Variants in NUP98 observed in about 807,000 individuals in gnomAD.
NUP98 encodes the protein nuclear pore complex protein Nup98-Nup96.
Under a neutral mutation model 191.9 loss-of-function variants are expected in NUP98, and 26 were observed. That is an observed-to-expected ratio of 0.14 (90% CI 0.10 to 0.19). The LOEUF is 0.19. Among genes scored for constraint, NUP98 ranks in the 10% least tolerant of loss-of-function variants. The pLI is 1.00. For synonymous variants in NUP98, 808 were observed against 778.4 expected, an observed-to-expected ratio of 1.04 and a Z score of -0.63; for missense variants, 1,941 against 2,178.8, an observed-to-expected ratio of 0.89 and a Z score of 2.17.
At chr11:3,791,010 G>A (rs117764384) in intron 1 of NUP98, among the ~76,000 whole-genome samples, 24 of 151,502 alleles carry the variant, frequency 1.6e-4, no homozygotes, top group African/African-American at 4.4e-4. Context: ...ATTCTCCTGC[G>A]TCAGCCTTCC....
At chr11:3,774,958 A>G (rs1159280819) in intron 5 of NUP98, among the ~76,000 whole-genome samples, 1 of 152,186 alleles carries the variant, frequency 6.6e-6, no homozygotes, top group Non-Finnish European at 1.5e-5. Context: ...ATATTTTAAC[A>G]AGTTTTATTT....
At position 3,699,365 on chromosome 11, in the gene NUP98, A is replaced by C. The variant is rs1196817600; in HGVS notation, c.3743-17T>G. Reference sequence around the variant, plus strand: ...GCTTCACAACTAAGGCAGGAAGAGAAAAACAATGTTACGAGACAAAGTCTT... The same window carrying C: ...GCTTCACAACTAAGGCAGGAAGAGACAAACAATGTTACGAGACAAAGTCTT... On this transcript the variant is annotated splice_polypyrimidine_tract_variant and intron_variant, in intron 24 of 32. Transcript: ENST00000324932. The C allele has an allele frequency of 6.2e-7, 1 of 1,610,060 alleles. No individual in the cohort carries two copies. Among genetic ancestry groups the C allele is most frequent in the Non-Finnish European group, 8.5e-7 (1 of 1,176,532 alleles).
At chr11:3,679,193 T>C (rs1289359974) in intron 31 of NUP98, among the ~76,000 whole-genome samples, 1 of 149,878 alleles carries the variant, frequency 6.7e-6, no homozygotes, top group Non-Finnish European at 1.5e-5. Flanking sequence ...TTTTAAAACA[T>C]GCCAAATGAT....
At chr11:3,701,174 A>C (rs1032107557) in intron 23 of NUP98, among the ~76,000 whole-genome samples, 4 of 152,164 alleles carry the variant, frequency 2.6e-5, no homozygotes, top group African/African-American at 9.7e-5. Context: ...TGGGTATCAA[A>C]AGTCATGAGG....
At chr11:3,787,764 C>T (rs974105095) in intron 1 of NUP98, among the ~76,000 whole-genome samples, 1 of 151,988 alleles carries the variant, frequency 6.6e-6, no homozygotes, top group East Asian at 1.9e-4. Flanking sequence ...GAAGCAGAGG[C>T]GGGCAGATCA....
At chr11:3,782,456 A>C (rs1489663002) in intron 1 of NUP98, among the ~76,000 whole-genome samples, 1 of 152,030 alleles carries the variant, frequency 6.6e-6, no homozygotes, top group Non-Finnish European at 1.5e-5. Flanking sequence ...TTTAATCAAT[A>C]AATATTTCAG....
At chr11:3,694,014 T>C (rs968771210) in intron 26 of NUP98, among the ~76,000 whole-genome samples, 2 of 150,560 alleles carry the variant, frequency 1.3e-5, no homozygotes, top group Non-Finnish European at 2.9e-5. Flanking sequence ...TCGGATTACC[T>C]GAGGTCAGGA....
chr11:3,786,145 C>G (rs1412330187), intron 1 of NUP98, among the ~76,000 whole-genome samples: 1 of 152,206 alleles, frequency 6.6e-6, no homozygotes, highest in Non-Finnish European at 1.5e-5. Flanking sequence ...ACAAAGCTAT[C>G]GTTGACCCCA....
At chr11:3,766,689 CAAAAA>C (rs544567161) in intron 8 of NUP98, among the ~76,000 whole-genome samples, 2 of 58,884 alleles carry the variant, frequency 3.4e-5, no homozygotes, top group Non-Finnish European at 3.6e-5. Context: ...AACTCCGTCT[CAAAAA>C]AAAAAAAAAA....
In NUP98 at chr11:3,679,544, T is replaced by A; in HGVS notation, c.5073+10A>T. 1 of 1,614,068 alleles carries A rather than the reference T, an allele frequency of 6.2e-7. No homozygotes were observed. Among genetic ancestry groups the A allele is most frequent in the Non-Finnish European group, 8.5e-7 (1 of 1,179,970 alleles). On this transcript the variant is annotated intron_variant, in intron 31 of 32. Coordinates refer to ENST00000324932, the MANE Select transcript of NUP98 (RefSeq NM_016320.5). ...GGAAAATCAGGCAGCAGTTTCAGGA[T>A]CTCAGGTACCTGCTGTATATGGCGG... is the stretch of plus-strand genomic sequence containing the variant.
chr11:3,768,756 A>G lies in NUP98; in HGVS notation c.785-12T>C. 1.1e-6 allele frequency: 1 copy of G among 897,846 alleles called. No homozygotes were observed. The highest frequency in any genetic ancestry group is 1.4e-6 in the Non-Finnish European group (1 of 705,162). 55.6% of individuals were successfully genotyped at this position (897,846 alleles called of 1,614,324 possible). A position where few individuals can be genotyped will look rare whatever the true frequency, so the allele number is the denominator to read the frequency against. Reference sequence around the variant, plus strand: ...AAATCCAGTTGTACCTTTTAGGAAAAAGAAAAAAAAAAGAAAAAAGAAATA... The same window carrying G: ...AAATCCAGTTGTACCTTTTAGGAAAGAGAAAAAAAAAAGAAAAAAGAAATA... On this transcript the variant is annotated splice_polypyrimidine_tract_variant and intron_variant, in intron 7 of 32. Transcript: ENST00000324932.
intron 31 of NUP98, among the ~76,000 whole-genome samples, chr11:3,677,979 T>C (rs1049252253): frequency 1.3e-5 from 2 of 150,674 alleles, no homozygotes; most frequent in African/African-American, 4.9e-5. Context: ...TCTACTAAAA[T>C]ACACACACAC....
rs780791169 is a variant in NUP98, at chr11:3,720,713, T to C, written c.2259A>G (p.Lys753=). Residue 753 remains lysine, a splice_region_variant and synonymous_variant, in exon 17 of 33, where the codon AAA becomes AAG. Coordinates refer to ENST00000324932, the MANE Select transcript of NUP98 (RefSeq NM_016320.5). The part of the protein sequence containing the change: ...CIVSDFTIGR[K]GYGSIYFEGD... The stretch of plus-strand genomic sequence containing the variant: ...ACTAAGTGCTAAACTCACACTTACC[T>C]TTCCGACCAATAGTGAAATCAGAGA... 3.2e-6 allele frequency: 5 copies of C among 1,547,332 alleles called. No homozygotes were observed.
At chr11:3,724,183 G>A (rs1480356101) in intron 15 of NUP98, among the ~76,000 whole-genome samples, 1 of 151,992 alleles carries the variant, frequency 6.6e-6, no homozygotes, top group Non-Finnish European at 1.5e-5. Context: ...TGTAATCCCA[G>A]CACTTTGTGA....
At chr11:3,711,635 A>G in intron 20 of NUP98, 1 of 175,020 alleles carries the variant, frequency 5.7e-6, no homozygotes, top group Non-Finnish European at 1.2e-5. Flanking sequence ...GATACAAAGC[A>G]TATGACAGAC....
intron 5 of NUP98, among the ~76,000 whole-genome samples, chr11:3,774,281 G>A (rs1329421254): frequency 3.9e-5 from 6 of 151,996 alleles, no homozygotes; most frequent in Non-Finnish European, 5.9e-5. Context: ...GCGTGGTAGC[G>A]TGCACCTGTA....
Position 3,700,748 on chromosome 11 carries a change from G to A in NUP98, c.3604C>T (p.Leu1202=), listed in dbSNP as rs761197736. The change falls in exon 24 of 33, where the codon CTG becomes TTG. Residue 1202 remains leucine (L), a synonymous_variant. Transcript: ENST00000324932. ...GTGCTGTGTTTTAATTTGAGCTCCAGAGGTGTCTGATATAATTTCATGTCT... is the reference window on the plus strand; with the variant it reads ...GTGCTGTGTTTTAATTTGAGCTCCAAAGGTGTCTGATATAATTTCATGTCT... ...DEDMKLYQTP[L]ELKLKHSTVH... 3 of 1,614,154 alleles carry A rather than the reference G, an allele frequency of 1.9e-6. No individual in the cohort carries two copies. The South Asian group carries it at 3.3e-5, about 18-fold the overall frequency.
At chr11:3,731,660 C>T in intron 13 of NUP98, 82 bp from the exon 14 acceptor site, 1 of 935,344 alleles carries the variant, frequency 1.1e-6, no homozygotes, top group Non-Finnish European at 1.5e-6. Context: ...GACCAGATTT[C>T]AATCCTCATC....
At chr11:3,780,050 A>G (rs1459016541) in intron 2 of NUP98, among the ~76,000 whole-genome samples, 1 of 152,188 alleles carries the variant, frequency 6.6e-6, no homozygotes, top group Non-Finnish European at 1.5e-5. Flanking sequence ...CAACCTGGGA[A>G]GCTTTTTCAA....
Sources: allele counts gnomAD v4.1 joint callset (sites outside exome capture counted in the v4.1 genomes callset), GRCh38; gene constraint gnomAD v4.1.1; transcripts MANE v1.5; gene names NCBI Gene and HGNC (gene_info 2026-07-23, HGNC 2026-07-21).